KCNT2: variants seen among roughly 807,000 people sequenced by gnomAD.
KCNT2 encodes potassium channel subfamily T member 2.
In KCNT2, 67 loss-of-function variants were observed where a neutral mutation model predicts 153.8. That is an observed-to-expected ratio of 0.44 (90% CI 0.36 to 0.53). KCNT2 has a LOEUF of 0.53. KCNT2 is among the 20% of genes least tolerant of loss of function. The probability of loss-of-function intolerance (pLI) is 0.00; values close to 1 mark genes in which losing one functional copy is unlikely to be tolerated. For missense variants in KCNT2, 975 were observed against 1,354.8 expected, an observed-to-expected ratio of 0.72 and a Z score of 4.40; for synonymous variants, 500 against 458.8, an observed-to-expected ratio of 1.09 and a Z score of -1.15.
At chr1:196,254,175 T>C (rs181964822) in intron 26 of KCNT2, among the ~76,000 whole-genome samples, 5 of 151,586 alleles carry the variant, frequency 3.3e-5, no homozygotes, top group Admixed American at 2.6e-4. Flanking sequence ...GAAAAAAGAT[T>C]AGTTTGTTTA....
At chr1:196,269,279 G>A (rs1281884164) in intron 25 of KCNT2, among the ~76,000 whole-genome samples, 1 of 152,124 alleles carries the variant, frequency 6.6e-6, no homozygotes, top group African/African-American at 2.4e-5. Flanking sequence ...TAAAAACGTA[G>A]GCATGATTTC....
intron 8 of KCNT2, among the ~76,000 whole-genome samples, chr1:196,464,363 A>G (rs536175885): frequency 6.6e-4 from 101 of 152,016 alleles, no homozygotes; most frequent in Admixed American, 6.4e-3. Flanking sequence ...TTAAATGATA[A>G]AAGTATGCAA....
chr1:196,263,483 T>A (rs1571839619), intron 25 of KCNT2, among the ~76,000 whole-genome samples: 1 of 151,946 alleles, frequency 6.6e-6, no homozygotes, highest in East Asian at 1.9e-4. Flanking sequence ...CTGCGCCCTG[T>A]CATAGGGTGG....
At chr1:196,354,101 G>T (rs1040114357) in intron 14 of KCNT2, among the ~76,000 whole-genome samples, 7 of 151,834 alleles carry the variant, frequency 4.6e-5, no homozygotes, top group Admixed American at 2.6e-4. Flanking sequence ...TTAGAAAGTA[G>T]AATTTATTTT....
intron 18 of KCNT2, among the ~76,000 whole-genome samples, chr1:196,329,715 T>A (rs970011217): frequency 6.7e-6 from 1 of 150,184 alleles, no homozygotes; most frequent in Admixed American, 6.7e-5. Context: ...TGAAAATACA[T>A]AGCTTGCCAG....
intron 25 of KCNT2, among the ~76,000 whole-genome samples, chr1:196,266,506 AT>A (rs1657556082): frequency 6.6e-6 from 1 of 152,214 alleles, no homozygotes; most frequent in Admixed American, 6.5e-5. Context: ...CTCTGAACCA[AT>A]TAATGACAAA....
intron 15 of KCNT2, among the ~76,000 whole-genome samples, chr1:196,341,562 A>G (rs1051622777): frequency 2.6e-5 from 4 of 151,994 alleles, no homozygotes; most frequent in Non-Finnish European, 2.9e-5. Context: ...TTTTCATTAT[A>G]TACATACATT....
intron 27 of KCNT2, among the ~76,000 whole-genome samples, chr1:196,230,742 G>T (rs998919927): frequency 1.3e-5 from 2 of 151,956 alleles, no homozygotes; most frequent in Non-Finnish European, 2.9e-5. Flanking sequence ...ACCAAAATTT[G>T]AATGAATGAG....
intron 22 of KCNT2, among the ~76,000 whole-genome samples, chr1:196,291,420 T>A (rs1254603316): frequency 1.3e-5 from 2 of 152,056 alleles, no homozygotes; most frequent in African/African-American, 4.8e-5. Context: ...ATTCCAAGCA[T>A]CTGATTCCAT....
chr1:196,441,518 C>G (rs895969574), intron 8 of KCNT2, among the ~76,000 whole-genome samples: 11 of 151,092 alleles, frequency 7.3e-5, no homozygotes, highest in Admixed American at 2.7e-4. Flanking sequence ...AAACAGAGTG[C>G]TAAGTGTTCT....
intron 1 of KCNT2, among the ~76,000 whole-genome samples, chr1:196,597,246 T>G (rs1402045218): frequency 6.7e-6 from 1 of 150,142 alleles, no homozygotes; most frequent in Non-Finnish European, 1.5e-5. Context: ...CATCCTTTAT[T>G]ATTAATCAAA....
At chr1:196,373,384 C>T in intron 13 of KCNT2, 136 bp from the exon 14 acceptor site, 1 of 577,560 alleles carries the variant, frequency 1.7e-6, no homozygotes, top group Non-Finnish European at 3.1e-6. Flanking sequence ...TTTACAAGTG[C>T]AATTTTATCC....
intron 1 of KCNT2, among the ~76,000 whole-genome samples, chr1:196,569,758 C>A (rs1392928704): frequency 6.6e-6 from 1 of 152,102 alleles, no homozygotes; most frequent in African/African-American, 2.4e-5. Context: ...TGGCAGCCCT[C>A]ATACTGCAAG....
At chr1:196,592,378 A>C (rs1663472005) in intron 1 of KCNT2, among the ~76,000 whole-genome samples, 1 of 150,916 alleles carries the variant, frequency 6.6e-6, no homozygotes, top group South Asian at 2.1e-4. Context: ...GTGTTGGGAG[A>C]GGAGGTGGGG....
intron 14 of KCNT2, among the ~76,000 whole-genome samples, chr1:196,366,488 C>A (rs948389958): frequency 2.0e-5 from 3 of 152,092 alleles, no homozygotes; most frequent in Non-Finnish European, 4.4e-5. Flanking sequence ...TTCCTCAAGT[C>A]ATCAGATGTG....
intron 26 of KCNT2, among the ~76,000 whole-genome samples, chr1:196,248,015 C>T (rs529139570): frequency 2.5e-4 from 38 of 151,988 alleles, no homozygotes; most frequent in African/African-American, 8.9e-4. Context: ...TATACAAACA[C>T]GTGGAAATTA....
chr1:196,597,587 C>T (rs550017832), intron 1 of KCNT2, among the ~76,000 whole-genome samples: 1 of 152,154 alleles, frequency 6.6e-6, no homozygotes, highest in South Asian at 2.1e-4. Context: ...AATTTGAGCC[C>T]CAAGGAAAGC....
intron 25 of KCNT2, among the ~76,000 whole-genome samples, chr1:196,267,983 G>A (rs1402446824): frequency 2.6e-5 from 4 of 152,132 alleles, no homozygotes; most frequent in African/African-American, 9.7e-5. Context: ...GTGCATGGAT[G>A]GTGGTATTGT....
intron 14 of KCNT2, among the ~76,000 whole-genome samples, chr1:196,369,104 C>T (rs534308745): frequency 9.9e-5 from 15 of 152,074 alleles, no homozygotes; most frequent in African/African-American, 3.6e-4. Flanking sequence ...AAAAAGATTA[C>T]CTCATGGATG....
Sources: gnomAD v4.1 joint callset for allele counts (sites outside exome capture counted in the v4.1 genomes callset) on GRCh38, gnomAD v4.1.1 for gene constraint, MANE v1.5 for transcripts, NCBI Gene and HGNC (gene_info 2026-07-23, HGNC 2026-07-21) for gene names.